RBFOX1: variants seen among roughly 807,000 people sequenced by gnomAD.
RBFOX1 encodes RNA binding fox-1 homolog 1.
RBFOX1 carries 8 observed loss-of-function variants against 57.7 expected under a neutral mutation model. The observed-to-expected ratio is 0.14, with a 90% CI of 0.08 to 0.25. The LOEUF (loss-of-function observed/expected upper bound fraction) is 0.25, where lower values mean the gene tolerates loss of function less well. Ranked by LOEUF, RBFOX1 falls within the 10% of genes least tolerant of loss-of-function variation. RBFOX1 has a pLI of 1.00. For missense variants in RBFOX1, 611 were observed against 548.5 expected (o/e 1.11, Z -1.14); for synonymous variants, 326 against 222.4 (o/e 1.47, Z -4.15).
chr16:6,784,319 T>C (rs1435361678), intron 3 of RBFOX1, among the ~76,000 whole-genome samples: 1 of 152,146 alleles, frequency 6.6e-6, no homozygotes, highest in Non-Finnish European at 1.5e-5. Context: ...CTTCTTTTTT[T>C]CTCTACAGAC....
At chr16:6,997,897 C>T (rs900007384) in intron 3 of RBFOX1, among the ~76,000 whole-genome samples, 1 of 152,030 alleles carries the variant, frequency 6.6e-6, no homozygotes, top group Admixed American at 6.6e-5. Context: ...TTGTGCACTA[C>T]ATGTAAGCTC....
chr16:5,986,316 G>A (rs777079495), intron 4 of RBFOX1, among the ~76,000 whole-genome samples: 4 of 152,184 alleles, frequency 2.6e-5, no homozygotes, highest in African/African-American at 7.2e-5. Flanking sequence ...TACCCGCCCC[G>A]GCCTCCCATA....
chr16:6,722,211 G>A (rs991259346), intron 3 of RBFOX1, among the ~76,000 whole-genome samples: 38 of 152,286 alleles, frequency 2.5e-4, no homozygotes, highest in Non-Finnish European at 1.3e-4. Flanking sequence ...TTTAAGTTTT[G>A]AAGGAACCAC....
At chr16:7,201,144 A>T (rs2088293503) in intron 4 of RBFOX1, among the ~76,000 whole-genome samples, 1 of 152,120 alleles carries the variant, frequency 6.6e-6, no homozygotes, top group Non-Finnish European at 1.5e-5. Context: ...GAGAGAGAGG[A>T]ATTGGGGCAA....
chr16:6,624,146 C>T (rs1336360337), intron 2 of RBFOX1, among the ~76,000 whole-genome samples: 1 of 152,010 alleles, frequency 6.6e-6, no homozygotes, highest in Non-Finnish European at 1.5e-5. Context: ...TATAAGTATG[C>T]AAAGGAACAC....
intron 1 of RBFOX1, among the ~76,000 whole-genome samples, chr16:6,133,785 G>C (rs762625731): frequency 6.6e-6 from 1 of 152,042 alleles, no homozygotes; most frequent in Non-Finnish European, 1.5e-5. Context: ...CTGCCACAGG[G>C]TCTTTGCCTG....
At chr16:5,821,066 G>A (rs889530543) in intron 3 of RBFOX1, among the ~76,000 whole-genome samples, 4 of 152,022 alleles carry the variant, frequency 2.6e-5, no homozygotes, top group African/African-American at 9.7e-5. Flanking sequence ...ATGCTGCCCT[G>A]AGGTGCTCCT....
intron 5 of RBFOX1, among the ~76,000 whole-genome samples, chr16:7,568,060 C>A (rs765053312): frequency 6.6e-6 from 1 of 151,938 alleles, no homozygotes; most frequent in Non-Finnish European, 1.5e-5. Flanking sequence ...TCAAAGGATT[C>A]TATTGCTACT....
At chr16:7,394,926 G>T (rs1157305177) in intron 4 of RBFOX1, among the ~76,000 whole-genome samples, 1 of 152,124 alleles carries the variant, frequency 6.6e-6, no homozygotes, top group African/African-American at 2.4e-5. Flanking sequence ...ACATAAATAA[G>T]GCTGTTATGC....
chr16:6,234,071 C>A (rs938442810), intron 1 of RBFOX1, among the ~76,000 whole-genome samples: 2 of 152,132 alleles, frequency 1.3e-5, no homozygotes, highest in African/African-American at 4.8e-5. Flanking sequence ...TGGCCAAACA[C>A]TGTAAAGCTT....
At chr16:7,600,458 G>A (rs1307954745) in intron 9 of RBFOX1, among the ~76,000 whole-genome samples, 2 of 152,034 alleles carry the variant, frequency 1.3e-5, no homozygotes, top group Non-Finnish European at 2.9e-5. Flanking sequence ...AAAATATAGG[G>A]CCCTTTCATA....
chr16:6,281,788 A>G (rs1319910838), intron 1 of RBFOX1, among the ~76,000 whole-genome samples: 2 of 152,140 alleles, frequency 1.3e-5, no homozygotes, highest in African/African-American at 4.8e-5. Context: ...GACTCCTCTT[A>G]GAAAGCCTCC....
intron 2 of RBFOX1, among the ~76,000 whole-genome samples, chr16:6,356,226 T>C (rs996468137): frequency 6.6e-6 from 1 of 152,054 alleles, no homozygotes; most frequent in African/African-American, 2.4e-5. Context: ...TTCCAGAGAG[T>C]ACAGCATGGA....
rs191973400 is a variant in RBFOX1, at chr16:6,979,082, C to G, written c.-15-72975C>G. Among the ~76,000 whole-genome samples the G allele has an allele frequency of 2.5e-3, 383 of 152,220 alleles. 3 individuals are homozygous for G. The highest frequency in any genetic ancestry group is 4.4e-3 in the Non-Finnish European group (296 of 68,020). Reference sequence around the variant, plus strand: ...TAGAGAGAATCTGTATAAAATAGCACCAATATGTTCAACATGATGATTATG... The same window carrying G: ...TAGAGAGAATCTGTATAAAATAGCAGCAATATGTTCAACATGATGATTATG... On this transcript the variant is annotated intron_variant, in intron 3 of 15. Coordinates refer to ENST00000550418, the MANE Select transcript of RBFOX1 (RefSeq NM_018723.4).
In RBFOX1 at chr16:5,819,167, G is replaced by A. The variant is rs114341311; in HGVS notation, c.319-48136G>A. 8.3e-3 allele frequency among the ~76,000 whole-genome samples: 1,259 copies of A among 152,302 alleles called. 19 individuals are homozygous for A. The highest frequency in any genetic ancestry group is 0.028 in the African/African-American group (1,163 of 41,556). On this transcript the variant is annotated intron_variant, in intron 3 of 19. Coordinates refer to the RBFOX1 transcript ENST00000641259. ...AGGTCACGGTTCTGGAGGCTGGGAA[G>A]TGCAAATCAAGGTGTCAGCAGCTTC...
rs1449413695 is a variant in RBFOX1 at position 6,019,283 on chromosome 16, G to A, written c.-836G>A. ...CAGCCCCCTTCCTGGTCTCCCGAGC[G>A]CGGGGTTTGAAGGTCACCTCCTTTC... On this transcript the variant is annotated 5_prime_UTR_variant, in exon 1 of 16. Coordinates refer to ENST00000550418, the MANE Select transcript of RBFOX1 (RefSeq NM_018723.4). This position sits in a 1 kb window ranked among gnomAD's most constrained non-coding sequence, Gnocchi z 4.2. 4 of 984,822 alleles carry A rather than the reference G, an allele frequency of 4.1e-6. No homozygotes were observed. In the South Asian group the frequency reaches 1.4e-4, roughly 35 times the overall value. 61.0% of individuals were successfully genotyped at this position (984,822 alleles called of 1,614,324 possible).
In RBFOX1 at chr16:7,350,920, A is replaced by C. The variant is rs377352001; in HGVS notation, c.28-167227A>C. On this transcript the variant is annotated intron_variant, in intron 4 of 15. Transcript: ENST00000550418. ...TGTTAATGACCCAAGAATGCATCCAAAGGGGTTACATGCAAACCTGCCTGA... is the reference window on the plus strand; with the variant it reads ...TGTTAATGACCCAAGAATGCATCCACAGGGGTTACATGCAAACCTGCCTGA... 1.3e-4 allele frequency among the ~76,000 whole-genome samples: 20 copies of C among 152,306 alleles called. No homozygotes were observed. In the South Asian group the frequency reaches 3.7e-3, roughly 28 times the overall value.
At chr16:6,695,832 T>C (rs1003587888) in intron 3 of RBFOX1, among the ~76,000 whole-genome samples, 1 of 152,220 alleles carries the variant, frequency 6.6e-6, no homozygotes, top group African/African-American at 2.4e-5. Context: ...GTTGGTTTTG[T>C]TTTCCCTGCT....
chr16:6,661,016 T>C (rs1308069976), intron 3 of RBFOX1, among the ~76,000 whole-genome samples: 3 of 152,160 alleles, frequency 2.0e-5, no homozygotes, highest in Admixed American at 6.6e-5. Flanking sequence ...GTGATTGTCT[T>C]TAACGTGAAG....
Sources: gnomAD v4.1 joint callset for allele counts (sites outside exome capture counted in the v4.1 genomes callset) on GRCh38, gnomAD v4.1.1 for gene constraint, Gnocchi (gnomAD v3.1) non-coding constraint, MANE v1.5 for transcripts, NCBI Gene and HGNC (gene_info 2026-07-23, HGNC 2026-07-21) for gene names.